The following BBX variants were observed in gnomAD, a reference collection of about 807,000 sequenced individuals.
The protein encoded by BBX is BBX high mobility group box domain containing, also known as HMG box transcription factor BBX.
A neutral mutation model predicts 100.2 loss-of-function variants in BBX; 30 were observed. The ratio of observed to expected loss-of-function variants is 0.30; its 90% CI spans 0.22 to 0.41. BBX has a LOEUF of 0.41. BBX is among the 10% of genes least tolerant of loss of function. BBX has a pLI of 1.00. For synonymous variants in BBX, 376 were observed against 388.1 expected, an observed-to-expected ratio of 0.97 and a Z score of 0.37; for missense variants, 1,023 against 1,129.8, an observed-to-expected ratio of 0.91 and a Z score of 1.35.
chr3:107,560,851 TGA>T (rs2050439764), intron 2 of BBX, among the ~76,000 whole-genome samples: 1 of 152,164 alleles, frequency 6.6e-6, no homozygotes, highest in African/African-American at 2.4e-5. Context: ...TTCTGAGCAA[TGA>T]GGAAGTCTAA....
chr3:107,592,719 G>A (rs2053418981), intron 2 of BBX, among the ~76,000 whole-genome samples: 1 of 152,136 alleles, frequency 6.6e-6, no homozygotes, highest in Non-Finnish European at 1.5e-5. Context: ...AAATAAGTAT[G>A]TTTAGATTCA....
chr3:107,772,931 A>T lies in BBX; in HGVS notation c.1210A>T (p.Ser404Cys), dbSNP rs749111669. The T allele has an allele frequency of 8.7e-6, 14 of 1,611,684 alleles. No homozygotes were observed. The highest frequency in any genetic ancestry group is 1.0e-5 in the Non-Finnish European group (12 of 1,179,420). ...KEELEEDHKC[S>C]HFPDFSYSAS... The stretch of plus-strand genomic sequence containing the variant: ...AGAGTTAGAAGAAGATCACAAATGT[A>T]GTCATTTTCCTGATTTTTCTTATTC... Residue 404 changes from serine to cysteine, a missense_variant, in exon 11 of 18, where the codon AGT becomes TGT. Ser to Cys is a moderately radical substitution (Grantham distance 112). Around this residue, in one of 9 missense-constraint regions of BBX, gnomAD observed 348 missense variants for 353.2 expected, o/e 0.99. Transcript: ENST00000325805.
chr3:107,791,679 T>G (rs992054508), intron 15 of BBX, among the ~76,000 whole-genome samples: 2 of 152,158 alleles, frequency 1.3e-5, no homozygotes, highest in African/African-American at 2.4e-5. Flanking sequence ...AGGAGTAACT[T>G]CTGACCTGGG....
chr3:107,791,213 T>C, intron 14 of BBX, 27 bp from the exon 15 acceptor site: 1 of 1,602,990 alleles, frequency 6.2e-7, no homozygotes, highest in South Asian at 1.1e-5. Context: ...GTTTCACTTT[T>C]CTTTCCTTTT....
At chr3:107,712,613 G>A (rs2061796435) in intron 4 of BBX, among the ~76,000 whole-genome samples, 1 of 152,046 alleles carries the variant, frequency 6.6e-6, no homozygotes, top group Non-Finnish European at 1.5e-5. Context: ...GTTCCTTCCT[G>A]TACCACCTTG....
At chr3:107,783,074 C>T (rs2068063328) in intron 13 of BBX, among the ~76,000 whole-genome samples, 1 of 151,948 alleles carries the variant, frequency 6.6e-6, no homozygotes, top group Admixed American at 6.6e-5. Flanking sequence ...AGTAAATTTC[C>T]TTATATTTGC....
intron 16 of BBX, 115 bp downstream of exon 16, chr3:107,798,835 T>TAA (rs374593936): frequency 4.5e-3 from 3,050 of 682,176 alleles, no homozygotes; most frequent in South Asian, 7.4e-3. Flanking sequence ...GCCAATGAGC[T>TAA]AAAAAAAAAA....
At chr3:107,568,358 A>G (rs2051083145) in intron 2 of BBX, among the ~76,000 whole-genome samples, 1 of 146,556 alleles carries the variant, frequency 6.8e-6, no homozygotes. Flanking sequence ...TCCACCTCCC[A>G]GATTCACGCC....
chr3:107,528,026 G>A (rs1559776087), intron 2 of BBX, among the ~76,000 whole-genome samples: 1 of 152,172 alleles, frequency 6.6e-6, no homozygotes, highest in South Asian at 2.1e-4. Context: ...AGTCTGATAA[G>A]TGCTTGTATT....
chr3:107,560,953 G>C (rs2107473321), intron 2 of BBX, among the ~76,000 whole-genome samples: 1 of 152,324 alleles, frequency 6.6e-6, no homozygotes, highest in East Asian at 1.9e-4. Context: ...TGATATTTTA[G>C]TTTGGAGAGT....
intron 5 of BBX, among the ~76,000 whole-genome samples, chr3:107,718,352 G>A (rs2062269412): frequency 1.3e-5 from 2 of 149,562 alleles, no homozygotes; most frequent in African/African-American, 2.4e-5. Flanking sequence ...AAAATTGACT[G>A]TTAAAGACAG....
In BBX at chr3:107,747,966, T is replaced by C. The variant is rs577664422; in HGVS notation, c.752T>C (p.Ile251Thr). 1 of 1,610,326 alleles carries C rather than the reference T, an allele frequency of 6.2e-7. No individual in the cohort carries two copies. The highest frequency in any genetic ancestry group is 8.5e-7 in the Non-Finnish European group (1 of 1,178,292). Residue 251 changes from isoleucine to threonine, a missense_variant and splice_region_variant, in exon 9 of 18, where the codon ATA becomes ACA. Coordinates refer to ENST00000325805, the MANE Select transcript of BBX (RefSeq NM_001142568.3). ...QKSPLFQFAE[I>T]SSSTSHSDAS... ...TAAAAATTGCTTGTTTCCTTTCAGA[T>C]ATCTTCAAGTACGTCCCACTCTGAT... is the stretch of plus-strand genomic sequence containing the variant.
At chr3:107,553,580 A>G (rs900676492) in intron 2 of BBX, among the ~76,000 whole-genome samples, 6 of 152,166 alleles carry the variant, frequency 3.9e-5, no homozygotes, top group Admixed American at 1.3e-4. Context: ...GCCTAATAGG[A>G]GAGGTAGATT....
intron 2 of BBX, among the ~76,000 whole-genome samples, chr3:107,632,766 C>T (rs1444013792): frequency 6.6e-6 from 1 of 152,026 alleles, no homozygotes; most frequent in East Asian, 1.9e-4. Flanking sequence ...CATTCTCTAC[C>T]CTGCAAGGTC....
intron 3 of BBX, among the ~76,000 whole-genome samples, chr3:107,691,283 T>C (rs1187939893): frequency 2.0e-5 from 3 of 152,198 alleles, no homozygotes; most frequent in Admixed American, 1.3e-4. Context: ...TTATTGTTGT[T>C]ATTCTTAGAC....
Position 107,809,239 on chromosome 3 carries a change from C to T in BBX, c.*3782C>T, listed in dbSNP as rs2071197069. 6.6e-6 allele frequency: 1 copy of T among 152,156 alleles called. No homozygotes were observed. The highest frequency in any genetic ancestry group is 2.1e-4 in the South Asian group (1 of 4,822). 9.4% of individuals were successfully genotyped at this position (152,156 alleles called of 1,614,324 possible). A position where few individuals can be genotyped will look rare whatever the true frequency, so the allele number is the denominator to read the frequency against. ...GGAGGGGAGGGAAAATACCAAAAAA[C>T]TCTGTTCCAAGTTTGGCATTTGACA... On this transcript the variant is annotated 3_prime_UTR_variant, in exon 18 of 18. Transcript: ENST00000325805.
intron 2 of BBX, among the ~76,000 whole-genome samples, chr3:107,578,848 A>G (rs150488334): frequency 2.0e-5 from 3 of 152,290 alleles, no homozygotes; most frequent in South Asian, 2.1e-4. Context: ...ATTTTCCCCA[A>G]CCTGTCAAAT....
chr3:107,791,154 T>G, intron 14 of BBX, 86 bp from the exon 15 acceptor site: 2 of 1,096,350 alleles, frequency 1.8e-6, no homozygotes, highest in Non-Finnish European at 1.4e-6. Flanking sequence ...CAAAAGTTAG[T>G]TTGTATATCA....
intron 2 of BBX, among the ~76,000 whole-genome samples, chr3:107,573,538 T>C (rs990400925): frequency 6.6e-6 from 1 of 151,954 alleles, no homozygotes; most frequent in African/African-American, 2.4e-5. Flanking sequence ...CCAGCCTGGG[T>C]GGCAGAGTGA....
Sources: gnomAD v4.1 joint callset for allele counts (sites outside exome capture counted in the v4.1 genomes callset) on GRCh38, gnomAD v4.1.1 for gene constraint, gnomAD v4.1.1 regional missense constraint, MANE v1.5 for transcripts, NCBI Gene and HGNC (gene_info 2026-07-23, HGNC 2026-07-21) for gene names.